The following PDZRN3 variants were observed in gnomAD, a reference collection of about 807,000 sequenced individuals.
The protein encoded by PDZRN3 is E3 ubiquitin-protein ligase PDZRN3.
In PDZRN3, 38 loss-of-function variants were observed where a neutral mutation model predicts 85.7. The ratio of observed to expected loss-of-function variants is 0.44; its 90% confidence interval spans 0.34 to 0.58. The LOEUF (loss-of-function observed/expected upper bound fraction) is 0.58. Ranked by LOEUF, PDZRN3 falls within the 20% of genes least tolerant of loss-of-function variation. The pLI, the probability that PDZRN3 is intolerant of heterozygous loss-of-function variation, is 0.01. For synonymous variants in PDZRN3, 759 were observed against 638.0 expected (o/e 1.19, Z -2.86); for missense variants, 1,629 against 1,506.4 (o/e 1.08, Z -1.35).
chr3:73,388,083 A>AACC lies in PDZRN3; in HGVS notation c.1417-15_1417-14insGGT. The AACC allele has an allele frequency of 3.5e-5, 32 of 908,016 alleles. No individual in the cohort carries two copies. Among genetic ancestry groups the AACC allele is most frequent in the Non-Finnish European group, 4.8e-5 (28 of 588,790 alleles). 56.2% of individuals were successfully genotyped at this position (908,016 alleles called of 1,614,324 possible). On this transcript the variant is annotated splice_polypyrimidine_tract_variant and intron_variant, in intron 7 of 9. Transcript: ENST00000263666. ...TATCCCATTAATCTTTTAAAAAAAA[A>AACC]GGGGGGGTGGGGAGAGTGGGGAGAC...
chr3:73,452,102 A>C (rs1702874151), intron 3 of PDZRN3, among the ~76,000 whole-genome samples: 1 of 152,204 alleles, frequency 6.6e-6, no homozygotes, highest in South Asian at 2.1e-4. Flanking sequence ...GACGATGGAT[A>C]TAGCTCGGGC....
chr3:73,506,220 C>A (rs1206986287), intron 3 of PDZRN3, among the ~76,000 whole-genome samples: 1 of 152,134 alleles, frequency 6.6e-6, no homozygotes, highest in East Asian at 1.9e-4. Context: ...GGCCCCAGGG[C>A]TGGTCAGGTT....
At chr3:73,410,225 C>CT (rs1701938719) in intron 3 of PDZRN3, among the ~76,000 whole-genome samples, 1 of 152,124 alleles carries the variant, frequency 6.6e-6, no homozygotes, top group South Asian at 2.1e-4. Context: ...TCCTGTCTGT[C>CT]TTAATTTATT....
intron 5 of PDZRN3, among the ~76,000 whole-genome samples, chr3:73,400,532 A>G (rs768483908): frequency 1.3e-5 from 2 of 152,214 alleles, no homozygotes; most frequent in African/African-American, 2.4e-5. Context: ...CACTCAAGTA[A>G]TTTATCCACC....
intron 3 of PDZRN3, among the ~76,000 whole-genome samples, chr3:73,560,041 G>T (rs961775508): frequency 6.6e-6 from 1 of 152,186 alleles, no homozygotes; most frequent in Admixed American, 6.5e-5. Context: ...TAAAACTTAG[G>T]TTTCTGCAGG....
chr3:73,606,282 T>C (rs1575761101), intron 2 of PDZRN3, among the ~76,000 whole-genome samples: 3 of 152,348 alleles, frequency 2.0e-5, no homozygotes, highest in East Asian at 1.9e-4. Context: ...TAATTATGAA[T>C]GTAAACAAGG....
At chr3:73,455,187 T>C (rs187073339) in intron 3 of PDZRN3, among the ~76,000 whole-genome samples, 205 of 152,302 alleles carry the variant, frequency 1.3e-3, no homozygotes, top group Non-Finnish European at 2.4e-3. Context: ...ATCAACATCA[T>C]CATCATCCAT....
intron 3 of PDZRN3, among the ~76,000 whole-genome samples, chr3:73,484,538 G>A (rs377747899): frequency 4.6e-5 from 7 of 152,170 alleles, no homozygotes; most frequent in African/African-American, 1.7e-4. Flanking sequence ...ATGGAGAGCT[G>A]GGGGAAGAAG....
chr3:73,620,953 A>G (rs1008305628), intron 1 of PDZRN3, among the ~76,000 whole-genome samples: 6 of 152,366 alleles, frequency 3.9e-5, no homozygotes, highest in African/African-American at 9.6e-5. Context: ...CAGTGAAACC[A>G]TAACTGTGTG....
intron 3 of PDZRN3, among the ~76,000 whole-genome samples, chr3:73,571,206 A>G (rs147230679): frequency 2.0e-5 from 3 of 152,332 alleles, no homozygotes; most frequent in African/African-American, 7.2e-5. Context: ...ATAAAATTAC[A>G]TGCCCTGGAG....
chr3:73,385,080 C>A, intron 9 of PDZRN3, 150 bp from the exon 10 acceptor site: 1 of 855,186 alleles, frequency 1.2e-6, no homozygotes, highest in Admixed American at 3.0e-5. Flanking sequence ...ACGTCAATAG[C>A]GTGGGCCTTA....
chr3:73,418,667 C>T (rs1403709952), intron 3 of PDZRN3, among the ~76,000 whole-genome samples: 4 of 152,192 alleles, frequency 2.6e-5, no homozygotes, highest in African/African-American at 4.8e-5. Flanking sequence ...ACTGGGCCCC[C>T]GTCCTTCCCC....
At chr3:73,407,764 T>C (rs1701883697) in intron 3 of PDZRN3, among the ~76,000 whole-genome samples, 2 of 152,166 alleles carry the variant, frequency 1.3e-5, no homozygotes, top group African/African-American at 2.4e-5. Context: ...AAGGACCCGC[T>C]TGGATCAGTC....
intron 3 of PDZRN3, among the ~76,000 whole-genome samples, chr3:73,473,572 G>A (rs62246103): frequency 0.12 from 18,817 of 152,176 alleles, 1,330 homozygotes; most frequent in Non-Finnish European, 0.16. Context: ...GAAGAGTAAG[G>A]GAGAATTTAA....
intron 3 of PDZRN3, among the ~76,000 whole-genome samples, chr3:73,440,876 C>T (rs1187573808): frequency 2.6e-5 from 4 of 152,158 alleles, no homozygotes; most frequent in South Asian, 4.1e-4. Flanking sequence ...GGGCAGTCCT[C>T]CGACCAGGGG....
chr3:73,466,537 C>T (rs762897161), intron 3 of PDZRN3, among the ~76,000 whole-genome samples: 9 of 152,066 alleles, frequency 5.9e-5, no homozygotes, highest in Non-Finnish European at 1.0e-4. Flanking sequence ...AGGATTCTGG[C>T]CCAGGAGAGA....
intron 3 of PDZRN3, among the ~76,000 whole-genome samples, chr3:73,592,232 T>C (rs892967775): frequency 6.6e-6 from 1 of 152,224 alleles, no homozygotes; most frequent in Non-Finnish European, 1.5e-5. Flanking sequence ...ACAATCATTC[T>C]ATGAAAAGAA....
intron 3 of PDZRN3, among the ~76,000 whole-genome samples, chr3:73,581,280 C>A (rs1360655776): frequency 6.6e-6 from 1 of 152,232 alleles, no homozygotes; most frequent in Non-Finnish European, 1.5e-5. Flanking sequence ...TGTGAACATA[C>A]ACACTCAACT....
In PDZRN3 at chr3:73,400,990, A is replaced by G. The variant is rs746486742; in HGVS notation, c.1186T>C (p.Tyr396His). ...CCAATGTAGTCATTTGGATCGTAGT[A>G]TTCATGGGCTGAGGGATGCCTGAAA... ...LPEEHPSAHE[Y>H]YDPNDYIGDI... Residue 396 changes from tyrosine (Y) to histidine (H), a missense_variant, in exon 5 of 10, where the codon TAC becomes CAC. Coordinates refer to ENST00000263666, the MANE Select transcript of PDZRN3 (RefSeq NM_015009.3). 6.2e-7 allele frequency: 1 copy of G among 1,613,050 alleles called. No individual in the cohort carries two copies. Among genetic ancestry groups the G allele is most frequent in the South Asian group, 1.1e-5 (1 of 91,068 alleles).
Sources: allele counts gnomAD v4.1 joint callset (sites outside exome capture counted in the v4.1 genomes callset), GRCh38; gene constraint gnomAD v4.1.1; transcripts MANE v1.5; gene names NCBI Gene and HGNC (gene_info 2026-07-23, HGNC 2026-07-21).